POPDC1: variants seen among roughly 807,000 people sequenced by gnomAD.
POPDC1 encodes the protein popeye domain-containing protein 1.
the POPDC1 span, among the ~76,000 whole-genome samples, chr6:105,110,190 T>C: frequency 6.6e-6 from 1 of 152,134 alleles, no homozygotes; most frequent in African/African-American, 2.4e-5. Context: ...GTTGTGAGGA[T>C]TAAATGAGAA....
At chr6:105,128,212 G>C in the POPDC1 span, among the ~76,000 whole-genome samples, 1 of 152,204 alleles carries the variant, frequency 6.6e-6, no homozygotes, top group South Asian at 2.1e-4. Flanking sequence ...TCTGTAAGAG[G>C]ACTGTACATC....
At chr6:105,108,873 A>C in the POPDC1 span, among the ~76,000 whole-genome samples, 2 of 152,254 alleles carry the variant, frequency 1.3e-5, no homozygotes, top group Non-Finnish European at 1.5e-5. Flanking sequence ...AGAACATATA[A>C]CTTGACCGTT....
chr6:105,108,418 G>A, the POPDC1 span, among the ~76,000 whole-genome samples: 1 of 152,166 alleles, frequency 6.6e-6, no homozygotes, highest in Non-Finnish European at 1.5e-5. Context: ...AAGGCAACTA[G>A]AAATGCCCGT....
the POPDC1 span, among the ~76,000 whole-genome samples, chr6:105,110,288 A>G: frequency 6.6e-6 from 1 of 152,218 alleles, no homozygotes; most frequent in African/African-American, 2.4e-5. Flanking sequence ...ATCTCCCTAA[A>G]CTACACTTTA....
At chr6:105,129,546 C>A in the POPDC1 span, 1 of 1,570,640 alleles carries the variant, frequency 6.4e-7, no homozygotes, top group Middle Eastern at 1.7e-4. Flanking sequence ...TCTAGAAGAG[C>A]CTAAGTGGGG....
At chr6:105,101,725 CA>C in the POPDC1 span, among the ~76,000 whole-genome samples, 1 of 152,076 alleles carries the variant, frequency 6.6e-6, no homozygotes, top group South Asian at 2.1e-4. Context: ...GCAAAGGAGA[CA>C]GGGGAAGAGG....
At chr6:105,108,030 T>C in the POPDC1 span, among the ~76,000 whole-genome samples, 5 of 152,144 alleles carry the variant, frequency 3.3e-5, no homozygotes, top group Non-Finnish European at 7.3e-5. Context: ...TTGAAGTAGC[T>C]TAGTGGTTCC....
chr6:105,130,041 T>C, the POPDC1 span, among the ~76,000 whole-genome samples: 1 of 152,104 alleles, frequency 6.6e-6, no homozygotes, highest in Admixed American at 6.5e-5. Flanking sequence ...TTGAATAAAA[T>C]CTGTATTAAA....
chr6:105,115,632 G>A, the POPDC1 span: 2 of 1,589,594 alleles, frequency 1.3e-6, no homozygotes, highest in Non-Finnish European at 1.7e-6. Flanking sequence ...ATTTGTCTAT[G>A]TCCAGAGATA....
chr6:105,106,738 T>C, the POPDC1 span, among the ~76,000 whole-genome samples: 4 of 152,184 alleles, frequency 2.6e-5, no homozygotes, highest in African/African-American at 9.6e-5. Context: ...TGGGCTGCCC[T>C]GCAGATCCTT....
At chr6:105,115,599 T>A in the POPDC1 span, 7 of 1,468,428 alleles carry the variant, frequency 4.8e-6, no homozygotes, top group Middle Eastern at 2.1e-4. Context: ...ACCTGCAAAG[T>A]TATTTTTCTA....
the POPDC1 span, chr6:105,133,712 G>C: frequency 3.1e-6 from 2 of 639,964 alleles, no homozygotes; most frequent in South Asian, 2.3e-5. Flanking sequence ...TTATGAATTA[G>C]ACAGACCCAG....
chr6:105,115,881 T>C, the POPDC1 span: 1 of 1,584,138 alleles, frequency 6.3e-7, no homozygotes, highest in Middle Eastern at 2.0e-4. Flanking sequence ...AATCATACAT[T>C]CCATTTAAGC....
the POPDC1 span, chr6:105,129,412 C>A: frequency 6.2e-7 from 1 of 1,612,162 alleles, no homozygotes; most frequent in Non-Finnish European, 8.5e-7. Flanking sequence ...ACGACAGATG[C>A]AAAATGTTGA....
chr6:105,115,083 T>G, the POPDC1 span, among the ~76,000 whole-genome samples: 2 of 152,198 alleles, frequency 1.3e-5, no homozygotes, highest in Non-Finnish European at 2.9e-5. Context: ...AGTATTCTGG[T>G]GAGCCACTAT....
the POPDC1 span, among the ~76,000 whole-genome samples, chr6:105,104,562 C>T: frequency 6.6e-6 from 1 of 152,256 alleles, no homozygotes; most frequent in East Asian, 1.9e-4. Flanking sequence ...TCTGGCGGGT[C>T]TCCCAGTGGG....
chr6:105,130,906 A>G, the POPDC1 span, among the ~76,000 whole-genome samples: 3 of 152,158 alleles, frequency 2.0e-5, no homozygotes, highest in Non-Finnish European at 4.4e-5. Context: ...TTTATTTTGC[A>G]TTTCCATGAT....
the POPDC1 span, among the ~76,000 whole-genome samples, chr6:105,103,138 G>C: frequency 1.3e-5 from 2 of 151,918 alleles, no homozygotes; most frequent in Non-Finnish European, 2.9e-5. Flanking sequence ...CCTTGGACAA[G>C]TTACTTCTTT....
chr6:105,122,156 A>G, the POPDC1 span, among the ~76,000 whole-genome samples: 2 of 152,208 alleles, frequency 1.3e-5, no homozygotes. Context: ...GTAAACAATC[A>G]AAGTACAGTC....
Sources: allele counts gnomAD v4.1 joint callset (sites outside exome capture counted in the v4.1 genomes callset), GRCh38; gene constraint gnomAD v4.1.1; transcripts MANE v1.5; gene names NCBI Gene and HGNC (gene_info 2026-07-23, HGNC 2026-07-21).